The following AGPAT5 variants were observed in gnomAD, a reference collection of about 807,000 sequenced individuals.
The protein encoded by AGPAT5 is 1-acyl-sn-glycerol-3-phosphate acyltransferase epsilon.
Under a neutral mutation model 45.6 loss-of-function variants are expected in AGPAT5, and 46 were observed. That is an observed-to-expected ratio of 1.01 (90% CI 0.80 to 1.29). The LOEUF (loss-of-function observed/expected upper bound fraction) is 1.29. Ranked by LOEUF, AGPAT5 falls within the 50% of genes most tolerant of loss-of-function variation. The pLI is 0.00. For synonymous variants in AGPAT5, 272 were observed against 167.0 expected (o/e 1.63, Z -4.85); for missense variants, 673 against 450.7 (o/e 1.49, Z -4.47).
rs189005036 is a variant in AGPAT5, at chr8:6,725,521, T to G, written c.289+582T>G. Among the ~76,000 whole-genome samples the G allele has an allele frequency of 3.6e-3, 544 of 152,362 alleles. 5 individuals carry two copies. Among genetic ancestry groups the G allele is most frequent in the Non-Finnish European group, 2.6e-3 (180 of 68,040 alleles). ...AAACCTTTGTATTTTGAGGTAATTC[T>G]AGAGTCCCAAGAATTTGCAAAAAGA... On this transcript the variant is annotated intron_variant, in intron 2 of 7. Transcript: ENST00000285518.
intron 4 of AGPAT5, among the ~76,000 whole-genome samples, chr8:6,735,449 C>A (rs888336882): frequency 1.3e-5 from 2 of 152,170 alleles, no homozygotes; most frequent in African/African-American, 2.4e-5. Flanking sequence ...GTCTGTAGCC[C>A]AGGGGTTCGT....
chr8:6,718,936 G>C (rs13439495), intron 1 of AGPAT5, among the ~76,000 whole-genome samples: 3,391 of 152,288 alleles, frequency 0.022, 127 homozygotes, highest in African/African-American at 0.077. Context: ...GAGTTGAATT[G>C]CACTATGCAA....
chr8:6,724,310 C>G (rs966914732), intron 1 of AGPAT5, among the ~76,000 whole-genome samples: 10 of 152,302 alleles, frequency 6.6e-5, no homozygotes, highest in African/African-American at 2.2e-4. Context: ...GTTACTGCTT[C>G]CATTCGTTCT....
intron 6 of AGPAT5, among the ~76,000 whole-genome samples, chr8:6,753,833 G>C (rs1197603713): frequency 6.6e-6 from 1 of 151,644 alleles, no homozygotes; most frequent in East Asian, 1.9e-4. Context: ...ACTCCTGGAA[G>C]TGTGTAAGAA....
At chr8:6,746,997 A>G (rs1212028450) in intron 5 of AGPAT5, among the ~76,000 whole-genome samples, 2 of 152,232 alleles carry the variant, frequency 1.3e-5, no homozygotes, top group Admixed American at 6.5e-5. Context: ...AATATGTCAG[A>G]TATACCCAAG....
chr8:6,730,797 C>T lies in AGPAT5; in HGVS notation c.376C>T (p.Leu126=), dbSNP rs760652597. 1.9e-6 allele frequency: 3 copies of T among 1,613,314 alleles called. No homozygotes were observed. The highest frequency in any genetic ancestry group is 1.1e-5 in the South Asian group (1 of 91,038). ...RYVLKEGLKW[L]PLYGCYFAQH... is the part of the protein sequence containing the mutation. ...CGTGCTGAAAGAAGGGTTAAAATGG[C>T]TGCCATTGTATGGGTGTTACTTTGC... The change falls in exon 3 of 8, where the codon CTG becomes TTG. Residue 126 remains leucine, a synonymous_variant. Coordinates refer to ENST00000285518, the MANE Select transcript of AGPAT5 (RefSeq NM_018361.5).
intron 2 of AGPAT5, 52 bp downstream of exon 2, chr8:6,724,991 G>A (rs1186250430): frequency 4.3e-6 from 3 of 695,098 alleles, no homozygotes; most frequent in Non-Finnish European, 6.1e-6. Flanking sequence ...TGGCACATGG[G>A]CATTCAAAAT....
chr8:6,757,679 T>A lies in AGPAT5; in HGVS notation c.*291T>A, dbSNP rs1801893049. 3.8e-6 allele frequency: 1 copy of A among 263,078 alleles called. No homozygotes were observed. Among genetic ancestry groups the A allele is most frequent in the Non-Finnish European group, 7.2e-6 (1 of 139,088 alleles). 16.3% of individuals were successfully genotyped at this position (263,078 alleles called of 1,614,324 possible). A position where few individuals can be genotyped will look rare whatever the true frequency, so the allele number is the denominator to read the frequency against. Reference sequence around the variant, plus strand: ...GACAACTTGAGAAGGCTGGGAGGATTGTGTATTTTGCAAGTCAGATGGCTG... The same window carrying A: ...GACAACTTGAGAAGGCTGGGAGGATAGTGTATTTTGCAAGTCAGATGGCTG... On this transcript the variant is annotated 3_prime_UTR_variant, in exon 8 of 8. Transcript: ENST00000285518.
At chr8:6,716,700 G>T (rs925281283) in intron 1 of AGPAT5, among the ~76,000 whole-genome samples, 3 of 152,078 alleles carry the variant, frequency 2.0e-5, no homozygotes, top group African/African-American at 4.8e-5. Flanking sequence ...GGGCGTGGTG[G>T]TGCCTGCCTG....
chr8:6,732,704 A>G (rs1800907350), intron 4 of AGPAT5, 54 bp downstream of exon 4: 7 of 1,371,770 alleles, frequency 5.1e-6, no homozygotes, highest in Non-Finnish European at 6.0e-6. Context: ...TCTAAATTTA[A>G]GAATTAAATT....
chr8:6,743,103 G>A (rs1313869549), intron 5 of AGPAT5, among the ~76,000 whole-genome samples: 2 of 152,064 alleles, frequency 1.3e-5, no homozygotes, highest in Admixed American at 6.5e-5. Context: ...GACTTCTGTG[G>A]GGCTGTTCTC....
chr8:6,711,786 C>CT (rs1232648267), intron 1 of AGPAT5, among the ~76,000 whole-genome samples: 1 of 152,156 alleles, frequency 6.6e-6, no homozygotes, highest in Non-Finnish European at 1.5e-5. Flanking sequence ...CATTCCTTGG[C>CT]TTGGGGCCCC....
chr8:6,735,593 T>A (rs1587035125), intron 4 of AGPAT5, among the ~76,000 whole-genome samples: 1 of 152,376 alleles, frequency 6.6e-6, no homozygotes, highest in Middle Eastern at 3.4e-3. Flanking sequence ...GAGTTTTCCA[T>A]GTTTCCTTAG....
chr8:6,729,711 C>CT (rs1216991852), intron 2 of AGPAT5, among the ~76,000 whole-genome samples: 3 of 152,224 alleles, frequency 2.0e-5, no homozygotes, highest in African/African-American at 7.2e-5. Flanking sequence ...AAGGGCCACT[C>CT]TCTGTGTTGG....
chr8:6,732,905 G>T (rs1022876117), intron 4 of AGPAT5, among the ~76,000 whole-genome samples: 1 of 152,142 alleles, frequency 6.6e-6, no homozygotes, highest in African/African-American at 2.4e-5. Flanking sequence ...ATTTGGTGTC[G>T]TTCAGAGTCT....
At chr8:6,728,034 C>T (rs976306822) in intron 2 of AGPAT5, among the ~76,000 whole-genome samples, 1 of 152,192 alleles carries the variant, frequency 6.6e-6, no homozygotes, top group Non-Finnish European at 1.5e-5. Context: ...GCGCTGGATC[C>T]ATGGCAGGGA....
intron 1 of AGPAT5, among the ~76,000 whole-genome samples, chr8:6,723,653 C>T (rs944973167): frequency 6.6e-6 from 1 of 152,254 alleles, no homozygotes; most frequent in Non-Finnish European, 1.5e-5. Context: ...ATTGGTATTA[C>T]TCATTTATGT....
intron 1 of AGPAT5, among the ~76,000 whole-genome samples, chr8:6,720,544 C>G (rs1242138559): frequency 6.6e-6 from 1 of 152,118 alleles, no homozygotes; most frequent in Non-Finnish European, 1.5e-5. Context: ...CCAATATTGG[C>G]CAGAACCCAC....
Position 6,732,592 on chromosome 8 carries a change from A to G in AGPAT5, c.437A>G (p.Lys146Arg), listed in dbSNP as rs768230665. ...HGGIYVKRSA[K>R]FNEKEMRNKL... ...GGAATCTATGTAAAGCGCAGTGCCA[A>G]ATTTAACGAGAAAGAGATGCGAAAC... Residue 146 changes from lysine (K) to arginine (R), a missense_variant, in exon 4 of 8, where the codon AAA (lysine) becomes AGA (arginine). By Grantham distance (26) the Lys-to-Arg change is conservative. Transcript: ENST00000285518. 3 of 1,611,148 alleles carry G rather than the reference A, an allele frequency of 1.9e-6. No homozygotes were observed. Among genetic ancestry groups the G allele is most frequent in the South Asian group, 1.1e-5 (1 of 90,496 alleles).
Sources: gnomAD v4.1 joint callset for allele counts (sites outside exome capture counted in the v4.1 genomes callset) on GRCh38, gnomAD v4.1.1 for gene constraint, MANE v1.5 for transcripts, NCBI Gene and HGNC (gene_info 2026-07-23, HGNC 2026-07-21) for gene names.